Variants in SMAP1 observed in about 807,000 individuals in gnomAD.
SMAP1 encodes small ArfGAP 1.
A neutral mutation model predicts 58.5 loss-of-function variants in SMAP1; 24 were observed. That is an observed-to-expected ratio of 0.41 (90% CI 0.30 to 0.58). SMAP1 has a LOEUF of 0.58. Ranked by LOEUF, SMAP1 falls within the 20% of genes least tolerant of loss-of-function variation. The probability of loss-of-function intolerance (pLI) is 0.29; values close to 1 mark genes in which losing one functional copy is unlikely to be tolerated. For synonymous variants in SMAP1, 216 were observed against 196.6 expected, an observed-to-expected ratio of 1.10 and a Z score of -0.82; for missense variants, 563 against 566.3, an observed-to-expected ratio of 0.99 and a Z score of 0.06.
intron 4 of SMAP1, among the ~76,000 whole-genome samples, chr6:70,780,997 G>C (rs1767740543): frequency 2.0e-5 from 3 of 152,140 alleles, no homozygotes; most frequent in African/African-American, 7.2e-5. Flanking sequence ...ATAAGCTATT[G>C]TGATGGCAGG....
In SMAP1 at chr6:70,706,289, A is replaced by G. The variant is rs76651696; in HGVS notation, c.119-26089A>G. Among the ~76,000 whole-genome samples the G allele has an allele frequency of 3.5e-4, 54 of 152,318 alleles. No homozygotes were observed. In the East Asian group the frequency reaches 8.5e-3, roughly 24 times the overall value. On this transcript the variant is annotated intron_variant, in intron 1 of 10. Transcript: ENST00000370455. The stretch of plus-strand genomic sequence containing the variant: ...AAGAGAAACAACAAAATTAAGTCTT[A>G]CAGTAAAAATAAGTCCTTTCCCCCC...
intron 3 of SMAP1, among the ~76,000 whole-genome samples, chr6:70,764,079 ATT>A (rs796149089): frequency 1.4e-5 from 2 of 142,944 alleles, no homozygotes; most frequent in Non-Finnish European, 1.5e-5. Context: ...TGCCCAGCTA[ATT>A]TTTTTTTTTT....
chr6:70,857,407 G>C (rs1442390120), intron 9 of SMAP1: 1 of 168,412 alleles, frequency 5.9e-6, no homozygotes, highest in Non-Finnish European at 1.3e-5. Context: ...AAAAATCTAT[G>C]AATTTTTTTG....
At chr6:70,803,536 G>A (rs1768964810) in intron 6 of SMAP1, among the ~76,000 whole-genome samples, 1 of 151,888 alleles carries the variant, frequency 6.6e-6, no homozygotes. Flanking sequence ...CCTTCTACTA[G>A]CTTTTGAATT....
intron 8 of SMAP1, 129 bp downstream of exon 8, chr6:70,852,793 G>C: frequency 8.8e-7 from 1 of 1,131,494 alleles, no homozygotes. Context: ...CTTTAGGCTA[G>C]AGTTTAGCAA....
intron 7 of SMAP1, chr6:70,837,668 CT>C (rs35922889): frequency 0.017 from 7,034 of 420,914 alleles, no homozygotes; most frequent in South Asian, 0.022. Flanking sequence ...CTCTCTCTCT[CT>C]TTTTTTTTTT....
intron 7 of SMAP1, chr6:70,837,925 T>A: frequency 8.7e-7 from 1 of 1,150,250 alleles, no homozygotes; most frequent in South Asian, 1.9e-5. Flanking sequence ...GCTGAATGTT[T>A]TATTCATTTC....
Position 70,721,904 on chromosome 6 carries a change from CG to C in SMAP1, c.119-10472del, listed in dbSNP as rs2149847998. Reference sequence around the variant, plus strand: ...CCCCCATGATTCAATTACCTTGCCCCGGATCCCTCCCACAACACATGGGAAT... The same window carrying C: ...CCCCCATGATTCAATTACCTTGCCCCGATCCCTCCCACAACACATGGGAAT... On this transcript the variant is annotated intron_variant, in intron 1 of 10. Transcript: ENST00000370455. Among the ~76,000 whole-genome samples, 4 of 152,258 alleles carry C rather than the reference CG, an allele frequency of 2.6e-5. 1 individual carries two copies. The South Asian group carries it at 8.3e-4, about 32-fold the overall frequency.
intron 2 of SMAP1, among the ~76,000 whole-genome samples, chr6:70,748,738 G>A (rs1372932517): frequency 1.3e-5 from 2 of 152,068 alleles, no homozygotes; most frequent in Admixed American, 6.6e-5. Context: ...TAGAAAATAT[G>A]TGGACATGGT....
intron 3 of SMAP1, among the ~76,000 whole-genome samples, chr6:70,770,267 C>G (rs370281355): frequency 6.6e-6 from 1 of 151,898 alleles, no homozygotes; most frequent in Non-Finnish European, 1.5e-5. Context: ...GTGGCATTCT[C>G]TGTATTTCCT....
chr6:70,786,602 A>G (rs1412689166), intron 4 of SMAP1, among the ~76,000 whole-genome samples: 1 of 152,060 alleles, frequency 6.6e-6, no homozygotes, highest in African/African-American at 2.4e-5. Flanking sequence ...CAACTTCAGC[A>G]AAGTCTCAGG....
chr6:70,775,270 G>A (rs1216299560), intron 4 of SMAP1, among the ~76,000 whole-genome samples: 1 of 151,710 alleles, frequency 6.6e-6, no homozygotes, highest in African/African-American at 2.4e-5. Context: ...TTTATTTTAG[G>A]GAACATACTG....
chr6:70,772,849 T>C (rs1767387895), intron 3 of SMAP1: 1 of 152,728 alleles, frequency 6.5e-6, no homozygotes, highest in African/African-American at 2.4e-5. Context: ...GAATCACAAG[T>C]GCTTAATCTT....
chr6:70,694,977 C>T (rs148336442), intron 1 of SMAP1, among the ~76,000 whole-genome samples: 3,569 of 152,208 alleles, frequency 0.023, 52 homozygotes, highest in Non-Finnish European at 0.037. Context: ...TTCAGTTTCT[C>T]GCATCAATGT....
rs1185026954 is a variant in SMAP1 at position 70,858,163 on chromosome 6, A to G, written c.1203A>G (p.Gln401=). 4 of 1,613,996 alleles carry G rather than the reference A, an allele frequency of 2.5e-6. No homozygotes were observed. The South Asian group carries it at 4.4e-5, about 18-fold the overall frequency. Residue 401 remains glutamine (Q), a synonymous_variant, in exon 10 of 11, where the codon CAA becomes CAG. Transcript: ENST00000370455. ...VVGPQGGMVG[Q]MGAPQSKFGL... ...GCCCCCAAGGAGGAATGGTGGGACA[A>G]ATGGGTGCACCCCAGAGTAAGTTTG... is the stretch of plus-strand genomic sequence containing the variant.
intron 1 of SMAP1, among the ~76,000 whole-genome samples, chr6:70,693,601 C>T (rs1454367170): frequency 1.3e-5 from 2 of 152,082 alleles, no homozygotes; most frequent in Non-Finnish European, 2.9e-5. Flanking sequence ...CGTGCCTGGC[C>T]ATCATTGTAT....
chr6:70,723,853 G>T (rs1439505012), intron 1 of SMAP1, among the ~76,000 whole-genome samples: 2 of 151,918 alleles, frequency 1.3e-5, no homozygotes, highest in Admixed American at 6.6e-5. Context: ...TACAACTTAG[G>T]TGCTGTCTTT....
intron 2 of SMAP1, among the ~76,000 whole-genome samples, chr6:70,746,351 A>G (rs1008249602): frequency 2.0e-5 from 3 of 152,152 alleles, no homozygotes; most frequent in Admixed American, 6.5e-5. Context: ...CATTCCATCA[A>G]TACCTAGTTT....
intron 2 of SMAP1, among the ~76,000 whole-genome samples, chr6:70,737,163 A>T (rs1765649302): frequency 6.6e-6 from 1 of 152,020 alleles, no homozygotes; most frequent in African/African-American, 2.4e-5. Flanking sequence ...TGTTTTTGTG[A>T]TGGAATTTTG....
Sources: gnomAD v4.1 joint callset for allele counts (sites outside exome capture counted in the v4.1 genomes callset) on GRCh38, gnomAD v4.1.1 for gene constraint, MANE v1.5 for transcripts, NCBI Gene and HGNC (gene_info 2026-07-23, HGNC 2026-07-21) for gene names.